Variants in EWSR1 observed in about 807,000 individuals in gnomAD.
EWSR1 encodes EWS RNA binding protein 1, also known as RNA-binding protein EWS.
Under a neutral mutation model 92.1 loss-of-function variants are expected in EWSR1, and 14 were observed. The ratio of observed to expected loss-of-function variants is 0.15; its 90% CI spans 0.10 to 0.24. EWSR1 has a LOEUF of 0.24. EWSR1 is among the 10% of genes least tolerant of loss of function. EWSR1 has a pLI of 1.00. For synonymous variants in EWSR1, 303 were observed against 292.9 expected, an observed-to-expected ratio of 1.03 and a Z score of -0.35; for missense variants, 637 against 870.9, an observed-to-expected ratio of 0.73 and a Z score of 3.38.
Position 29,287,082 on chromosome 22 carries a change from C to T in EWSR1, c.741C>T (p.Tyr247=), listed in dbSNP as rs752087000. The change falls in exon 7 of 17, where the codon TAC becomes TAT. Residue 247 remains tyrosine (Y), a synonymous_variant. Coordinates refer to ENST00000397938, the MANE Select transcript of EWSR1 (RefSeq NM_005243.4). The part of the protein sequence containing the change: ...PTSYPPQTGS[Y]SQAPSQYSQQ... ...GTTACCCACCCCAAACTGGATCCTA[C>T]AGCCAAGCTCCAAGTCAATATAGCC... The T allele has an allele frequency of 5.8e-5, 93 of 1,613,982 alleles. No individual in the cohort carries two copies. Among genetic ancestry groups the T allele is most frequent in the Non-Finnish European group, 7.4e-5 (87 of 1,179,968 alleles).
rs1330771147 is a variant in EWSR1, at chr22:29,268,359, G to A, written c.13+10G>A. The A allele has an allele frequency of 2.5e-6, 4 of 1,614,130 alleles. No homozygotes were observed. The highest frequency in any genetic ancestry group is 1.7e-6 in the Non-Finnish European group (2 of 1,179,992). ...AAAATGGCGTCCACGGGTGAGTATG[G>A]TGGAACTGCGGTCGCGCCGGCGGTA... is the stretch of plus-strand genomic sequence containing the variant. On this transcript the variant is annotated intron_variant, in intron 1 of 16. Transcript: ENST00000397938.
intron 6 of EWSR1, 76 bp from the exon 7 acceptor site, chr22:29,286,847 C>T: frequency 8.7e-7 from 1 of 1,151,782 alleles, no homozygotes; most frequent in Non-Finnish European, 1.3e-6. Context: ...GTGAATGTCT[C>T]TTTTATTCAG....
chr22:29,291,498 C>G (rs1168766504), intron 8 of EWSR1, 64 bp from the exon 9 acceptor site: 12 of 1,536,300 alleles, frequency 7.8e-6, no homozygotes, highest in South Asian at 2.4e-5. Flanking sequence ...CGAGCCCCCC[C>G]AAGGCTCAGA....
chr22:29,284,059 C>T (rs1187087672), intron 6 of EWSR1, among the ~76,000 whole-genome samples: 2 of 151,280 alleles, frequency 1.3e-5, no homozygotes, highest in Non-Finnish European at 2.9e-5. Context: ...GTCTTGAACT[C>T]CCATCCTCAG....
At chr22:29,298,925 C>CT in intron 14 of EWSR1, 30 bp downstream of exon 14, 1 of 1,520,822 alleles carries the variant, frequency 6.6e-7, no homozygotes, top group Non-Finnish European at 8.8e-7. Context: ...AATTGATACC[C>CT]TACGAGTGAA....
At chr22:29,281,623 C>T (rs1355089141) in intron 5 of EWSR1, among the ~76,000 whole-genome samples, 1 of 151,778 alleles carries the variant, frequency 6.6e-6, no homozygotes, top group Non-Finnish European at 1.5e-5. Context: ...CTCTGTCGCC[C>T]AGGCTGGAGT....
intron 7 of EWSR1, among the ~76,000 whole-genome samples, chr22:29,288,392 A>G (rs2060208312): frequency 6.6e-6 from 1 of 152,244 alleles, no homozygotes; most frequent in South Asian, 2.1e-4. Flanking sequence ...GGTTTATTAT[A>G]GGCTAACTAT....
intron 4 of EWSR1, among the ~76,000 whole-genome samples, chr22:29,274,799 C>T (rs1463867349): frequency 6.6e-6 from 1 of 152,108 alleles, no homozygotes; most frequent in African/African-American, 2.4e-5. Context: ...AAATTGTATT[C>T]CGATACTGAG....
In EWSR1 at chr22:29,296,307, C is replaced by T. The variant is rs376649965; in HGVS notation, c.1233C>T (p.Gly411=). 3.8e-5 allele frequency: 61 copies of T among 1,614,154 alleles called. No individual in the cohort carries two copies. Among genetic ancestry groups the T allele is most frequent in the East Asian group, 6.7e-5 (3 of 44,884 alleles). The change falls in exon 12 of 17, where the codon GGC becomes GGT. Residue 411 remains glycine (G), a synonymous_variant. Transcript: ENST00000397938. ...YLDKETGKPK[G]DATVSYEDPP... ...ACAAGGAAACAGGAAAGCCCAAAGG[C>T]GATGCCACAGTGTCCTATGAAGACC...
rs1428776260 is a variant in EWSR1, at chr22:29,285,714, T to A, written c.582-1209T>A. On this transcript the variant is annotated intron_variant, in intron 6 of 16. Transcript: ENST00000397938. ...CTTGGAACTGAATGCCTCACTTCACTCTCTCTATATTTTCTCAGTCCCCAT... is the reference window on the plus strand; with the variant it reads ...CTTGGAACTGAATGCCTCACTTCACACTCTCTATATTTTCTCAGTCCCCAT... Among the ~76,000 whole-genome samples the A allele has an allele frequency of 4.6e-5, 7 of 151,422 alleles. 1 individual carries two copies. The highest frequency in any genetic ancestry group is 4.1e-4 in the South Asian group (2 of 4,824).
chr22:29,289,352 A>T (rs1475083762), intron 8 of EWSR1: 1 of 229,862 alleles, frequency 4.4e-6, no homozygotes, highest in African/African-American at 2.2e-5. Flanking sequence ...AGCATTTTGC[A>T]GAGTAATGTA....
At chr22:29,295,648 A>C (rs2060799843) in intron 11 of EWSR1, 1 of 223,894 alleles carries the variant, frequency 4.5e-6, no homozygotes, top group Non-Finnish European at 8.9e-6. Flanking sequence ...AAACAATTAC[A>C]GACTAAACTG....
chr22:29,291,946 A>G (rs2060471346), intron 9 of EWSR1, 191 bp from the exon 10 acceptor site: 2 of 618,742 alleles, frequency 3.2e-6, no homozygotes, highest in East Asian at 2.7e-5. Context: ...CAGCAAAGGA[A>G]AAAAGCAAAC....
chr22:29,278,365 G>A, intron 5 of EWSR1, 149 bp downstream of exon 5: 1 of 776,322 alleles, frequency 1.3e-6, no homozygotes, highest in South Asian at 1.9e-5. Context: ...TGATGTGCTA[G>A]AACATACCAC....
At chr22:29,298,633 A>G in intron 13 of EWSR1, 100 bp from the exon 14 acceptor site, 2 of 1,407,160 alleles carry the variant, frequency 1.4e-6, no homozygotes, top group South Asian at 1.2e-5. Flanking sequence ...GGGAAATGAC[A>G]GCAGTAGTAT....
intron 6 of EWSR1, among the ~76,000 whole-genome samples, chr22:29,286,645 C>A (rs2060055279): frequency 6.9e-6 from 1 of 145,832 alleles, no homozygotes; most frequent in South Asian, 2.2e-4. Flanking sequence ...GGAGATCACG[C>A]CACTGCATTC....
In EWSR1 at chr22:29,282,570, T is replaced by C. The variant is rs1240971838; in HGVS notation, c.581+13T>C. The C allele has an allele frequency of 6.7e-7, 1 of 1,497,250 alleles. No homozygotes were observed. The allele number at this position is 1,497,250 out of a possible 1,614,324, so 92.7% of individuals were successfully genotyped here. On this transcript the variant is annotated intron_variant, in intron 6 of 16. Coordinates refer to ENST00000397938, the MANE Select transcript of EWSR1 (RefSeq NM_005243.4). ...ACCCTCCTACCAGGTCAGTCTACTT[T>C]TTGTGGCAAAACAAAAACAGTGACA...
At chr22:29,291,309 T>G (rs888334538) in intron 8 of EWSR1, 1 of 416,952 alleles carries the variant, frequency 2.4e-6, no homozygotes, top group South Asian at 8.4e-5. Flanking sequence ...TTGCCAAGTA[T>G]TGCACTATTA....
Position 29,275,621 on chromosome 22 carries a change from C to T in EWSR1, c.226+1757C>T, listed in dbSNP as rs141826229. The T allele has an allele frequency of 2.3e-3, 527 of 229,424 alleles. 4 individuals carry two copies. The Middle Eastern group carries it at 0.023, about 10-fold the overall frequency. 14.2% of individuals were successfully genotyped at this position (229,424 alleles called of 1,614,324 possible). A position where few individuals can be genotyped will look rare whatever the true frequency, so the allele number is the denominator to read the frequency against. ...CTTAGCAGGAGCCTAATTGGTAGTG[C>T]GTGGGTTCAAGCACACATGCTGCAT... On this transcript the variant is annotated intron_variant, in intron 4 of 16. Transcript: ENST00000397938.
Sources: gnomAD v4.1 joint callset for allele counts (sites outside exome capture counted in the v4.1 genomes callset) on GRCh38, gnomAD v4.1.1 for gene constraint, MANE v1.5 for transcripts, NCBI Gene and HGNC (gene_info 2026-07-23, HGNC 2026-07-21) for gene names.